The following GRIA1 variants were observed in gnomAD, a reference collection of about 807,000 sequenced individuals.
GRIA1 encodes the protein glutamate ionotropic receptor AMPA type subunit 1.
In GRIA1, 31 loss-of-function variants were observed where a neutral mutation model predicts 99.2. That is an observed-to-expected ratio of 0.31 (90% CI 0.23 to 0.42). GRIA1 has a LOEUF of 0.42. Ranked by LOEUF, GRIA1 falls within the 10% of genes least tolerant of loss-of-function variation. GRIA1 has a pLI of 1.00. For synonymous variants in GRIA1, 438 were observed against 432.4 expected (o/e 1.01, Z -0.16); for missense variants, 782 against 1,157.5 (o/e 0.68, Z 4.71).
intron 11 of GRIA1, among the ~76,000 whole-genome samples, chr5:153,725,274 T>G (rs988449057): frequency 2.6e-5 from 4 of 151,584 alleles, no homozygotes; most frequent in African/African-American, 9.7e-5. Flanking sequence ...GAACAACCAG[T>G]ACCAGCCACT....
At chr5:153,590,768 T>C (rs1466758152) in intron 2 of GRIA1, among the ~76,000 whole-genome samples, 4 of 152,214 alleles carry the variant, frequency 2.6e-5, no homozygotes, top group Non-Finnish European at 4.4e-5. Context: ...ATAAAAGCAG[T>C]AAACCTGCAT....
chr5:153,754,645 GT>G (rs1762708578), intron 11 of GRIA1, among the ~76,000 whole-genome samples: 1 of 152,138 alleles, frequency 6.6e-6, no homozygotes, highest in Non-Finnish European at 1.5e-5. Flanking sequence ...TGAATACTTG[GT>G]TTGATGCCAT....
chr5:153,622,646 A>T (rs1252356474), intron 2 of GRIA1, among the ~76,000 whole-genome samples: 2 of 152,230 alleles, frequency 1.3e-5, no homozygotes, highest in South Asian at 2.1e-4. Flanking sequence ...GAATTTATGG[A>T]ACATGATAAC....
intron 3 of GRIA1, 34 bp downstream of exon 3, chr5:153,647,201 G>A (rs1327660442): frequency 1.2e-6 from 2 of 1,601,920 alleles, no homozygotes; most frequent in South Asian, 1.1e-5. Flanking sequence ...AGACTTTTGA[G>A]GGATGGAGAG....
intron 2 of GRIA1, among the ~76,000 whole-genome samples, chr5:153,620,189 T>C (rs1362611346): frequency 6.6e-6 from 1 of 152,216 alleles, no homozygotes; most frequent in African/African-American, 2.4e-5. Flanking sequence ...CTTTGCACTA[T>C]GAATAATGAA....
chr5:153,802,528 C>G (rs966818077), intron 15 of GRIA1, 38 bp downstream of exon 15: 1 of 1,609,904 alleles, frequency 6.2e-7, no homozygotes, highest in South Asian at 1.1e-5. Flanking sequence ...CTAACCTGTT[C>G]TGTGATGCAG....
intron 3 of GRIA1, among the ~76,000 whole-genome samples, chr5:153,647,896 T>C (rs1186035985): frequency 6.6e-6 from 1 of 152,230 alleles, no homozygotes; most frequent in Admixed American, 6.5e-5. Flanking sequence ...ATCCTTCTCC[T>C]CTTTTGCAGG....
intron 8 of GRIA1, among the ~76,000 whole-genome samples, chr5:153,691,769 AG>A (rs1224341550): frequency 6.6e-6 from 1 of 152,204 alleles, no homozygotes; most frequent in East Asian, 1.9e-4. Flanking sequence ...CCCAGAGCCC[AG>A]GCCATCTTCC....
intron 2 of GRIA1, among the ~76,000 whole-genome samples, chr5:153,630,147 G>A (rs1484720446): frequency 6.6e-6 from 1 of 152,120 alleles, no homozygotes; most frequent in African/African-American, 2.4e-5. Flanking sequence ...CTGTTACAGA[G>A]ATTAAAAGAA....
Position 153,616,676 on chromosome 5 carries a change from G to A in GRIA1, c.221-30252G>A, listed in dbSNP as rs139417379. ...GTCATTTAATAAATAAGTGTGGAAC[G>A]AATGAATTTTAGGTAGAAATTGTCA... On this transcript the variant is annotated intron_variant, in intron 2 of 15. Coordinates refer to ENST00000285900, the MANE Select transcript of GRIA1 (RefSeq NM_000827.4). Among the ~76,000 whole-genome samples the A allele has an allele frequency of 1.4e-4, 22 of 152,242 alleles. No individual in the cohort carries two copies. In the East Asian group the frequency reaches 3.3e-3, roughly 23 times the overall value.
intron 11 of GRIA1, among the ~76,000 whole-genome samples, chr5:153,750,489 A>G (rs999420404): frequency 6.6e-6 from 1 of 152,114 alleles, no homozygotes; most frequent in South Asian, 2.1e-4. Context: ...ATAAAGAAGA[A>G]TGTCCATATC....
chr5:153,540,502 T>C (rs1758977166), intron 2 of GRIA1, among the ~76,000 whole-genome samples: 1 of 152,178 alleles, frequency 6.6e-6, no homozygotes, highest in South Asian at 2.1e-4. Context: ...TCCTAGCCTG[T>C]CCTCTCTGCC....
Position 153,698,048 on chromosome 5 carries a change from GT to G in GRIA1, c.1141del (p.Tyr381ThrfsTer35). The G allele has an allele frequency of 6.3e-7, 1 of 1,581,798 alleles. No individual in the cohort carries two copies. The highest frequency in any genetic ancestry group is 8.7e-7 in the Non-Finnish European group (1 of 1,150,720). On this transcript the variant is annotated frameshift_variant, in exon 9 of 16. Coordinates refer to ENST00000285900, the MANE Select transcript of GRIA1 (RefSeq NM_000827.4). LOFTEE classifies it high-confidence loss of function. ...CCACTCTCTTCTCATTAACAGATTG[GT>G]TACTGGAATGAAGATGATAAGTTTG... ...EMKHDGIRKIGYWNEDDKFVP... is the reference protein window; with the variant it reads ...EMKHDGIRKIXYWNEDDKFVP...
intron 2 of GRIA1, among the ~76,000 whole-genome samples, chr5:153,498,638 C>T (rs1305573796): frequency 1.3e-5 from 2 of 152,150 alleles, no homozygotes; most frequent in East Asian, 3.9e-4. Context: ...CTGAACATGG[C>T]TCATCAACTT....
At chr5:153,624,504 G>C (rs1767394293) in intron 2 of GRIA1, among the ~76,000 whole-genome samples, 1 of 152,228 alleles carries the variant, frequency 6.6e-6, no homozygotes, top group Admixed American at 6.5e-5. Context: ...AGAGATGGGG[G>C]AGGAGCTTTC....
Position 153,776,078 on chromosome 5 carries a change from T to C in GRIA1, c.2270+5663T>C, listed in dbSNP as rs538851352. Among the ~76,000 whole-genome samples the C allele has an allele frequency of 6.6e-5, 10 of 152,268 alleles. No homozygotes were observed. The South Asian group carries it at 1.2e-3, about 19-fold the overall frequency. Reference sequence around the variant, plus strand: ...TGAAAGTCATTTACAGGGAGGGACATGATTGGACAGGCTCCTGGAGATTAC... The same window carrying C: ...TGAAAGTCATTTACAGGGAGGGACACGATTGGACAGGCTCCTGGAGATTAC... On this transcript the variant is annotated intron_variant, in intron 13 of 15. Transcript: ENST00000285900.
chr5:153,754,748 C>G (rs990967841), intron 11 of GRIA1, among the ~76,000 whole-genome samples: 1 of 152,120 alleles, frequency 6.6e-6, no homozygotes, highest in Admixed American at 6.6e-5. Context: ...CATGGAGATG[C>G]CAGGTTATAA....
At chr5:153,524,271 G>A (rs1446083266) in intron 2 of GRIA1, among the ~76,000 whole-genome samples, 4 of 152,144 alleles carry the variant, frequency 2.6e-5, no homozygotes, top group African/African-American at 9.7e-5. Flanking sequence ...AGGTTGCAGT[G>A]AGCCAAGGTC....
rs73278107 is a variant in GRIA1 at position 153,646,356 on chromosome 5, T to G, written c.221-572T>G. Reference sequence around the variant, plus strand: ...ACGTGTATTAGCAGCAATAGCTGGATTCTTCCTGTAGCACCTTTTTATGCT... The same window carrying G: ...ACGTGTATTAGCAGCAATAGCTGGAGTCTTCCTGTAGCACCTTTTTATGCT... On this transcript the variant is annotated intron_variant, in intron 2 of 15. Coordinates refer to ENST00000285900, the MANE Select transcript of GRIA1 (RefSeq NM_000827.4). 8.9e-3 allele frequency among the ~76,000 whole-genome samples: 1,353 copies of G among 152,356 alleles called. 15 individuals are homozygous for G. Among genetic ancestry groups the G allele is most frequent in the African/African-American group, 0.031 (1,272 of 41,572 alleles).
Sources: gnomAD v4.1 joint callset for allele counts (sites outside exome capture counted in the v4.1 genomes callset) on GRCh38, gnomAD v4.1.1 for gene constraint, MANE v1.5 for transcripts, NCBI Gene and HGNC (gene_info 2026-07-23, HGNC 2026-07-21) for gene names.